The following BTAF1 variants were observed in gnomAD, a reference collection of about 807,000 sequenced individuals.
BTAF1 encodes the protein TATA-binding protein-associated factor 172.
In BTAF1, 38 loss-of-function variants were observed where a neutral mutation model predicts 227.1. The ratio of observed to expected loss-of-function variants is 0.17; its 90% CI spans 0.13 to 0.22. BTAF1 has a LOEUF of 0.22. Among genes scored for constraint, BTAF1 ranks in the 10% least tolerant of loss-of-function variants. The pLI, the probability that BTAF1 is intolerant of heterozygous loss-of-function variation, is 1.00. For missense variants in BTAF1, 1,598 were observed against 2,204.0 expected, an observed-to-expected ratio of 0.73 and a Z score of 5.51; for synonymous variants, 742 against 751.9, an observed-to-expected ratio of 0.99 and a Z score of 0.21.
At chr10:91,924,334 T>G (rs1452405494) in intron 1 of BTAF1, among the ~76,000 whole-genome samples, 1 of 152,178 alleles carries the variant, frequency 6.6e-6, no homozygotes, top group Non-Finnish European at 1.5e-5. Context: ...AGCTGTTTTT[T>G]CTCTTTCCTC....
chr10:91,951,666 T>A, intron 5 of BTAF1, 100 bp downstream of exon 5: 1 of 1,272,236 alleles, frequency 7.9e-7, no homozygotes, highest in Non-Finnish European at 1.1e-6. Context: ...TATACTTAGC[T>A]CTGTTCATTG....
intron 1 of BTAF1, among the ~76,000 whole-genome samples, chr10:91,930,358 A>G (rs547500656): frequency 2.0e-5 from 3 of 152,258 alleles, no homozygotes; most frequent in Non-Finnish European, 2.9e-5. Flanking sequence ...CATTTAACCA[A>G]TATTTACTGA....
At chr10:91,940,901 G>C (rs1044136759) in intron 3 of BTAF1, among the ~76,000 whole-genome samples, 8 of 151,816 alleles carry the variant, frequency 5.3e-5, no homozygotes, top group Non-Finnish European at 7.4e-5. Context: ...CCAGGCTCGG[G>C]GGGGTGGGGT....
intron 18 of BTAF1, among the ~76,000 whole-genome samples, chr10:91,983,358 T>C (rs1160056506): frequency 6.6e-6 from 1 of 152,260 alleles, no homozygotes. Flanking sequence ...TTCCATTGAC[T>C]GGAATTCTGG....
rs1335317335 is a variant in BTAF1 at position 91,951,533 on chromosome 10, C to T, written c.531C>T (p.Thr177=). The change falls in exon 5 of 38, where the codon ACC becomes ACT. Residue 177 remains threonine, a synonymous_variant. Transcript: ENST00000265990. ...TCAATGATGAGGATTTGGATTATAC[C>T]CCAACTTCAGCATCCTTTGTTAACA... The part of the protein sequence containing the change: ...ELFNDEDLDY[T]PTSASFVNKQ... The T allele has an allele frequency of 6.2e-7, 1 of 1,604,758 alleles. No individual in the cohort carries two copies. The highest frequency in any genetic ancestry group is 1.3e-5 in the African/African-American group (1 of 74,520).
intron 14 of BTAF1, among the ~76,000 whole-genome samples, chr10:91,978,667 G>A (rs904728028): frequency 3.3e-5 from 5 of 152,028 alleles, no homozygotes; most frequent in Non-Finnish European, 7.4e-5. Flanking sequence ...GTCATGTGGA[G>A]GGCAGGGGCT....
intron 2 of BTAF1, 33 bp downstream of exon 2, chr10:91,935,813 C>A (rs1418089128): frequency 6.5e-7 from 1 of 1,533,960 alleles, no homozygotes; most frequent in South Asian, 1.2e-5. Flanking sequence ...TAGCATAATA[C>A]AATTGTAGAG....
chr10:91,928,760 T>TCCCCCCCCCCCCC (rs60208547), intron 1 of BTAF1, among the ~76,000 whole-genome samples: 1 of 111,810 alleles, frequency 8.9e-6, no homozygotes, highest in African/African-American at 4.4e-5. Context: ...CAAGAATCCA[T>TCCCCCCCCCCCCC]CCCCCCCCCC....
In BTAF1 at chr10:91,935,697, C is replaced by T; in HGVS notation, c.55C>T (p.Pro19Ser). The part of the protein sequence containing the change: ...LFILLDTGTT[P>S]VTRKAAAQQL... ...TATTTTACTGGATACTGGCACTACT[C>T]CTGTTACAAGAAAAGCTGCTGCACA... is the stretch of plus-strand genomic sequence containing the variant. Residue 19 changes from proline to serine, a missense_variant, in exon 2 of 38, where the codon CCT becomes TCT. Physicochemically the swap from Pro to Ser is moderately conservative, Grantham distance 74. Coordinates refer to ENST00000265990, the MANE Select transcript of BTAF1 (RefSeq NM_003972.3). 1 of 1,613,702 alleles carries T rather than the reference C, an allele frequency of 6.2e-7. No individual in the cohort carries two copies. Among genetic ancestry groups the T allele is most frequent in the Non-Finnish European group, 8.5e-7 (1 of 1,179,724 alleles).
intron 21 of BTAF1, 85 bp from the exon 22 acceptor site, chr10:91,993,609 G>A: frequency 3.7e-6 from 4 of 1,074,546 alleles, no homozygotes; most frequent in Non-Finnish European, 3.7e-6. Flanking sequence ...TTCTTAGATG[G>A]TGACTTTTAA....
At position 92,030,196 on chromosome 10, in the gene BTAF1, T is replaced by A. The variant is rs2134202970; in HGVS notation, c.*1263T>A. Reference sequence around the variant, plus strand: ...CCTCAGCTGTACAATAACAGGTGTTTTGTTTAATTAAAATTATACTGTTCT... The same window carrying A: ...CCTCAGCTGTACAATAACAGGTGTTATGTTTAATTAAAATTATACTGTTCT... On this transcript the variant is annotated 3_prime_UTR_variant, in exon 38 of 38. Coordinates refer to ENST00000265990, the MANE Select transcript of BTAF1 (RefSeq NM_003972.3). 6.5e-6 allele frequency: 1 copy of A among 152,678 alleles called. No homozygotes were observed. The highest frequency in any genetic ancestry group is 2.4e-5 in the African/African-American group (1 of 41,586). The allele number at this position is 152,678 out of a possible 1,614,324, so 9.5% of individuals were successfully genotyped here. A position where few individuals can be genotyped will look rare whatever the true frequency, so the allele number is the denominator to read the frequency against.
At chr10:92,011,457 AT>A in intron 30 of BTAF1, 42 bp downstream of exon 30, 1 of 1,015,906 alleles carries the variant, frequency 9.8e-7, no homozygotes, top group Non-Finnish European at 1.3e-6. Flanking sequence ...TTTTATTTTT[AT>A]TTTTCATGTT....
At position 91,989,437 on chromosome 10, in the gene BTAF1, T is replaced by A. The variant is rs1446734458; in HGVS notation, c.2711T>A (p.Leu904His). ...QNYAAQCIAKLLQQCTTRTPC... is the reference protein window; with the variant it reads ...QNYAAQCIAKHLQQCTTRTPC... The stretch of plus-strand genomic sequence containing the variant: ...TATGCAGCTCAGTGCATAGCTAAAC[T>A]CCTTCAGCAGTGCACAACAAGGACG... Residue 904 changes from leucine to histidine, a missense_variant, in exon 20 of 38, where the codon CTC becomes CAC. Physicochemically the swap from Leu to His is moderately conservative, Grantham distance 99. Coordinates refer to ENST00000265990, the MANE Select transcript of BTAF1 (RefSeq NM_003972.3). 1 of 1,613,998 alleles carries A rather than the reference T, an allele frequency of 6.2e-7. No individual in the cohort carries two copies. The highest frequency in any genetic ancestry group is 8.5e-7 in the Non-Finnish European group (1 of 1,180,034).
At chr10:91,995,857 G>GCTGTTGTGATT (rs1214273150) in intron 23 of BTAF1, among the ~76,000 whole-genome samples, 1 of 152,168 alleles carries the variant, frequency 6.6e-6, no homozygotes, top group Non-Finnish European at 1.5e-5. Flanking sequence ...CTGTTGTGAT[G>GCTGTTGTGATT]CTGTTGTGAT....
intron 13 of BTAF1, among the ~76,000 whole-genome samples, 199 bp from the exon 14 acceptor site, chr10:91,966,438 C>T (rs946967325): frequency 1.3e-5 from 2 of 152,140 alleles, no homozygotes; most frequent in Non-Finnish European, 2.9e-5. Flanking sequence ...TGCTCTGGCT[C>T]TTCTGTTGCT....
At chr10:91,959,316 A>G (rs2133890234) in intron 9 of BTAF1, 162 bp downstream of exon 9, 1 of 1,401,304 alleles carries the variant, frequency 7.1e-7, no homozygotes, top group Non-Finnish European at 9.3e-7. Flanking sequence ...AAAGTAGAGT[A>G]AGATGAATAA....
At position 91,924,018 on chromosome 10, in the gene BTAF1, A is replaced by T. The variant is rs1466440621; in HGVS notation, c.-59A>T. The T allele has an allele frequency of 1.9e-6, 3 of 1,584,172 alleles. No homozygotes were observed. The highest frequency in any genetic ancestry group is 3.7e-5 in the Admixed American group (2 of 54,510). On this transcript the variant is annotated 5_prime_UTR_variant, in exon 1 of 38. Coordinates refer to ENST00000265990, the MANE Select transcript of BTAF1 (RefSeq NM_003972.3). ...TGCGCCGCTCAGCTCTCTGGAAACT[A>T]GCGCCTCAGCTGCGCGGCGCGTAGG...
chr10:92,008,116 A>G lies in BTAF1; in HGVS notation c.3661-7A>G. 2 of 1,568,734 alleles carry G rather than the reference A, an allele frequency of 1.3e-6. No homozygotes were observed. Among genetic ancestry groups the G allele is most frequent in the Non-Finnish European group, 1.7e-6 (2 of 1,168,396 alleles). On this transcript the variant is annotated splice_polypyrimidine_tract_variant and splice_region_variant and intron_variant, in intron 25 of 37. Transcript: ENST00000265990. Reference sequence around the variant, plus strand: ...AGTTTTTAATAACTTTAAAAAAATCATTTTAGGCAGGCATTCCAGACCCTC... The same window carrying G: ...AGTTTTTAATAACTTTAAAAAAATCGTTTTAGGCAGGCATTCCAGACCCTC...
intron 25 of BTAF1, among the ~76,000 whole-genome samples, chr10:92,003,182 C>G (rs990945504): frequency 6.6e-6 from 1 of 151,754 alleles, no homozygotes; most frequent in African/African-American, 2.4e-5. Flanking sequence ...TTACGGCGTC[C>G]AACATGATGT....
Sources: allele counts gnomAD v4.1 joint callset (sites outside exome capture counted in the v4.1 genomes callset), GRCh38; gene constraint gnomAD v4.1.1; transcripts MANE v1.5; gene names NCBI Gene and HGNC (gene_info 2026-07-23, HGNC 2026-07-21).